CRBN: variants seen among roughly 807,000 people sequenced by gnomAD.
CRBN encodes protein cereblon.
A neutral mutation model predicts 62.2 loss-of-function variants in CRBN; 53 were observed. That is an observed-to-expected ratio of 0.85 (90% confidence interval 0.68 to 1.07). The LOEUF (loss-of-function observed/expected upper bound fraction) is 1.07, where lower values mean the gene tolerates loss of function less well. Ranked by LOEUF, CRBN falls within the 50% of genes least tolerant of loss-of-function variation. The probability of loss-of-function intolerance (pLI) is 0.00; values close to 1 mark genes in which losing one functional copy is unlikely to be tolerated. For synonymous variants in CRBN, 208 were observed against 176.1 expected (o/e 1.18, Z -1.43); for missense variants, 616 against 531.1 (o/e 1.16, Z -1.57).
intron 6 of CRBN, chr3:3,155,628 A>G (rs1413832355): frequency 1.3e-5 from 2 of 153,332 alleles, no homozygotes; most frequent in Admixed American, 1.3e-4. Flanking sequence ...AACTTTAAGG[A>G]GCAAAAACCC....
chr3:3,152,569 C>A lies in CRBN; in HGVS notation c.1035G>T (p.Pro345=), dbSNP rs1218236414. ...CATGAGGATTCACATAAGCTGCCAT[C>A]GGCCCACATAAGGATAAACTAAAAC... ...NEIFSLSLCG[P]MAAYVNPHGY... is the part of the protein sequence containing the mutation. Residue 345 remains proline (P), a synonymous_variant, in exon 10 of 11, where the codon CCG becomes CCT. Transcript: ENST00000231948. 1 of 1,613,934 alleles carries A rather than the reference C, an allele frequency of 6.2e-7. No homozygotes were observed. The highest frequency in any genetic ancestry group is 8.5e-7 in the Non-Finnish European group (1 of 1,180,002).
intron 4 of CRBN, among the ~76,000 whole-genome samples, chr3:3,170,901 G>T (rs1458478647): frequency 6.6e-6 from 1 of 152,104 alleles, no homozygotes. Flanking sequence ...TGCCTCCCGG[G>T]TTCAAGCGAT....
At position 3,150,181 on chromosome 3, in the gene CRBN, C is replaced by T. The variant is rs559557222; in HGVS notation, c.*684G>A. ...TTTGAAAAATAGCTTTTGTATGGAA[C>T]AGTATAAATGGGCTTATAGTTCAGA... On this transcript the variant is annotated 3_prime_UTR_variant, in exon 11 of 11. Transcript: ENST00000231948. 2 of 152,228 alleles carry T rather than the reference C, an allele frequency of 1.3e-5. No homozygotes were observed. Among genetic ancestry groups the T allele is most frequent in the South Asian group, 4.1e-4 (2 of 4,830 alleles). 9.4% of individuals were successfully genotyped at this position (152,228 alleles called of 1,614,324 possible).
chr3:3,154,569 CAATT>C (rs1221297035), intron 7 of CRBN, 174 bp downstream of exon 7: 13 of 555,988 alleles, frequency 2.3e-5, no homozygotes, highest in Non-Finnish European at 3.4e-5. Flanking sequence ...GATTTTATTG[CAATT>C]AATTTTAAAA....
intron 5 of CRBN, among the ~76,000 whole-genome samples, chr3:3,165,801 A>C (rs914792791): frequency 2.0e-5 from 3 of 152,186 alleles, no homozygotes; most frequent in African/African-American, 7.2e-5. Flanking sequence ...TCTAGTATGA[A>C]ATACATCACT....
In CRBN at chr3:3,156,273, A is replaced by G; in HGVS notation, c.696T>C (p.Phe232=). 1 of 1,614,040 alleles carries G rather than the reference A, an allele frequency of 6.2e-7. No individual in the cohort carries two copies. The highest frequency in any genetic ancestry group is 8.5e-7 in the Non-Finnish European group (1 of 1,179,912). The change falls in exon 6 of 11, where the codon TTT becomes TTC. Residue 232 remains phenylalanine, a synonymous_variant. Transcript: ENST00000231948. The stretch of plus-strand genomic sequence containing the variant: ...GCCATGAAGTTAGATTTGCACAATG[A>G]AACTTTCTCTGAAAACAAAACAAAA... The part of the protein sequence containing the change: ...KWWQKYQKRK[F]HCANLTSWPR...
intron 5 of CRBN, among the ~76,000 whole-genome samples, chr3:3,165,675 T>C (rs1707300156): frequency 1.3e-5 from 2 of 152,180 alleles, no homozygotes; most frequent in Non-Finnish European, 2.9e-5. Flanking sequence ...TTATATGCAG[T>C]GGGAAACCAA....
At chr3:3,157,334 CAAA>C (rs1230920976) in intron 5 of CRBN, among the ~76,000 whole-genome samples, 1 of 152,096 alleles carries the variant, frequency 6.6e-6, no homozygotes, top group Admixed American at 6.5e-5. Flanking sequence ...TTTCTCAAAA[CAAA>C]ACCTACATAC....
intron 10 of CRBN, 122 bp from the exon 11 acceptor site, chr3:3,151,167 G>T: frequency 1.9e-6 from 2 of 1,054,620 alleles, no homozygotes; most frequent in East Asian, 2.6e-5. Context: ...TCTAAGTTGA[G>T]ATTTGATCCA....
intron 1 of CRBN, 34 bp from the exon 2 acceptor site, chr3:3,175,303 A>G (rs1429255549): frequency 4.3e-6 from 6 of 1,405,652 alleles, no homozygotes; most frequent in Non-Finnish European, 5.0e-6. Flanking sequence ...AAAAAAAAAA[A>G]GATGAATGAA....
chr3:3,151,991 C>CGTG (rs1706590763), intron 10 of CRBN, among the ~76,000 whole-genome samples: 2 of 152,088 alleles, frequency 1.3e-5, no homozygotes, highest in African/African-American at 2.4e-5. Context: ...TTCAGAATTA[C>CGTG]ATGACTGACA....
At position 3,156,100 on chromosome 3, in the gene CRBN, A is replaced by T. The variant is rs1706880451; in HGVS notation, c.750+119T>A. 1.5e-5 allele frequency: 13 copies of T among 871,626 alleles called. No individual in the cohort carries two copies. The Admixed American group carries it at 2.3e-4, about 15-fold the overall frequency. The allele number at this position is 871,626 out of a possible 1,614,324, so 54.0% of individuals were successfully genotyped here. A position where few individuals can be genotyped will look rare whatever the true frequency, so the allele number is the denominator to read the frequency against. Reference sequence around the variant, plus strand: ...ATTACAGGTGTGAGCCACCACTCTTAACGATATCTTAAGTTATAAGGCACT... The same window carrying T: ...ATTACAGGTGTGAGCCACCACTCTTTACGATATCTTAAGTTATAAGGCACT... On this transcript the variant is annotated intron_variant, in intron 6 of 10. Coordinates refer to ENST00000231948, the MANE Select transcript of CRBN (RefSeq NM_016302.4).
At chr3:3,172,653 A>G (rs192225274) in intron 4 of CRBN, 123 bp downstream of exon 4, 1 of 1,000,014 alleles carries the variant, frequency 1.0e-6, no homozygotes, top group Non-Finnish European at 1.6e-6. Flanking sequence ...ATACCTTAGA[A>G]GGGAAAGAGA....
chr3:3,174,287 G>C (rs1559257497), intron 2 of CRBN, 26 bp from the exon 3 acceptor site: 4 of 1,507,834 alleles, frequency 2.7e-6, no homozygotes, highest in Admixed American at 3.3e-5. Context: ...TATAGGTATA[G>C]TGTCATGATC....
chr3:3,179,689 T>C lies in CRBN; in HGVS notation c.-2A>G. On this transcript the variant is annotated 5_prime_UTR_variant, in exon 1 of 11. Transcript: ENST00000231948. The stretch of plus-strand genomic sequence containing the variant: ...CTGCTGATCTCCTTCGCCGGCCATG[T>C]CTGTTTACCCGCAAAGGAGGCTGGG... 6.2e-7 allele frequency: 1 copy of C among 1,613,200 alleles called. No homozygotes were observed. Among genetic ancestry groups the C allele is most frequent in the Non-Finnish European group, 8.5e-7 (1 of 1,179,516 alleles).
At chr3:3,164,696 T>C (rs1232983965) in intron 5 of CRBN, among the ~76,000 whole-genome samples, 1 of 152,240 alleles carries the variant, frequency 6.6e-6, no homozygotes, top group Non-Finnish European at 1.5e-5. Flanking sequence ...TTATTACTGC[T>C]CATTGACAAT....
intron 5 of CRBN, among the ~76,000 whole-genome samples, chr3:3,162,783 A>G (rs1242883009): frequency 6.6e-6 from 1 of 152,206 alleles, no homozygotes; most frequent in African/African-American, 2.4e-5. Context: ...AACTCTGACC[A>G]TTTTAACTAC....
chr3:3,164,952 A>C (rs1443611479), intron 5 of CRBN, among the ~76,000 whole-genome samples: 1 of 152,234 alleles, frequency 6.6e-6, no homozygotes, highest in African/African-American at 2.4e-5. Flanking sequence ...AGGTGCCATT[A>C]AGAATAATCA....
At chr3:3,151,069 A>C (rs768046511) in intron 10 of CRBN, 24 bp from the exon 11 acceptor site, 1 of 1,612,276 alleles carries the variant, frequency 6.2e-7, no homozygotes, top group African/African-American at 1.3e-5. Flanking sequence ...GAAAGATATC[A>C]GCTAAGGAAA....
Sources: allele counts gnomAD v4.1 joint callset (sites outside exome capture counted in the v4.1 genomes callset), GRCh38; gene constraint gnomAD v4.1.1; transcripts MANE v1.5; gene names NCBI Gene and HGNC (gene_info 2026-07-23, HGNC 2026-07-21).